Variants in GPC5 observed in about 807,000 individuals in gnomAD.
GPC5 encodes glypican 5, also known as glypican-5.
A neutral mutation model predicts 53.9 loss-of-function variants in GPC5; 47 were observed. The ratio of observed to expected loss-of-function variants is 0.87; its 90% confidence interval spans 0.69 to 1.11. GPC5 has a LOEUF of 1.11. Ranked by LOEUF, GPC5 falls within the 50% of genes most tolerant of loss-of-function variation. The probability of loss-of-function intolerance (pLI) is 0.00; values close to 1 mark genes in which losing one functional copy is unlikely to be tolerated. For synonymous variants in GPC5, 286 were observed against 263.3 expected, an observed-to-expected ratio of 1.09 and a Z score of -0.84; for missense variants, 748 against 713.1, an observed-to-expected ratio of 1.05 and a Z score of -0.56.
At chr13:91,445,455 T>A (rs1389981498) in intron 1 of GPC5, among the ~76,000 whole-genome samples, 1 of 152,100 alleles carries the variant, frequency 6.6e-6, no homozygotes, top group East Asian at 1.9e-4. Flanking sequence ...AGCAAGCAAT[T>A]TAAGCCTTAT....
Position 92,358,760 on chromosome 13 carries a change from C to A in GPC5, c.1561+213771C>A, listed in dbSNP as rs899691681. 8.6e-5 allele frequency among the ~76,000 whole-genome samples: 13 copies of A among 151,768 alleles called. 1 individual carries two copies. The highest frequency in any genetic ancestry group is 2.6e-4 in the Admixed American group (4 of 15,270). ...TTTTTAGCTATGGCTAGAGCTGGAG[C>A]AGCTGGAACACAGGAAGCAATGTCT... On this transcript the variant is annotated intron_variant, in intron 7 of 7. Coordinates refer to ENST00000377067, the MANE Select transcript of GPC5 (RefSeq NM_004466.6).
At chr13:91,754,317 A>T (rs1320075675) in intron 4 of GPC5, among the ~76,000 whole-genome samples, 3 of 152,102 alleles carry the variant, frequency 2.0e-5, no homozygotes, top group Non-Finnish European at 4.4e-5. Context: ...GATTGGAGGG[A>T]TGTAATCTTA....
intron 6 of GPC5, among the ~76,000 whole-genome samples, chr13:91,934,772 G>A (rs188296877): frequency 7.2e-5 from 11 of 151,970 alleles, no homozygotes; most frequent in East Asian, 5.8e-4. Flanking sequence ...CAGAGGCAAC[G>A]GGACCCCAGA....
chr13:92,200,711 C>T (rs564873469), intron 7 of GPC5, among the ~76,000 whole-genome samples: 80 of 152,236 alleles, frequency 5.3e-4, no homozygotes, highest in African/African-American at 1.9e-3. Context: ...CAACTGGATT[C>T]GATTGGATCA....
At chr13:91,844,245 A>G (rs200476305) in intron 5 of GPC5, among the ~76,000 whole-genome samples, 2 of 152,340 alleles carry the variant, frequency 1.3e-5, no homozygotes, top group East Asian at 3.9e-4. Flanking sequence ...GAAATTACAT[A>G]AAGTCGAAGA....
intron 7 of GPC5, chr13:92,180,765 C>A: frequency 5.0e-6 from 1 of 199,998 alleles, no homozygotes; most frequent in South Asian, 8.7e-5. Flanking sequence ...TTCATGACAC[C>A]GTTCACCACT....
At chr13:91,401,783 CTG>C in intron 1 of GPC5, among the ~76,000 whole-genome samples, 1 of 152,300 alleles carries the variant, frequency 6.6e-6, no homozygotes, top group South Asian at 2.1e-4. Context: ...GTGATTTAAA[CTG>C]TTTCTCAGAT....
At chr13:92,115,997 T>A (rs891853129) in intron 6 of GPC5, among the ~76,000 whole-genome samples, 1 of 152,118 alleles carries the variant, frequency 6.6e-6, no homozygotes, top group Non-Finnish European at 1.5e-5. Context: ...ACGCCTGTAA[T>A]CCTAGCACTT....
intron 7 of GPC5, among the ~76,000 whole-genome samples, chr13:92,263,908 A>G (rs958035832): frequency 7.2e-5 from 11 of 152,116 alleles, no homozygotes; most frequent in African/African-American, 2.4e-4. Flanking sequence ...TGCTGCGATA[A>G]TTTCACAGAA....
intron 6 of GPC5, among the ~76,000 whole-genome samples, chr13:91,935,035 T>C (rs1254258463): frequency 1.3e-5 from 2 of 152,012 alleles, no homozygotes; most frequent in African/African-American, 4.8e-5. Flanking sequence ...ATAATTGCTC[T>C]GACTGCAGTA....
chr13:92,307,963 T>G (rs767149824), intron 7 of GPC5, among the ~76,000 whole-genome samples: 1 of 152,202 alleles, frequency 6.6e-6, no homozygotes, highest in Non-Finnish European at 1.5e-5. Context: ...CTACATTTTT[T>G]ATTGTCAGAT....
intron 5 of GPC5, among the ~76,000 whole-genome samples, chr13:91,778,619 C>T (rs1405847714): frequency 2.0e-5 from 3 of 152,198 alleles, no homozygotes; most frequent in Non-Finnish European, 4.4e-5. Context: ...CCTTCCAGAT[C>T]AACTTCAAGC....
intron 7 of GPC5, among the ~76,000 whole-genome samples, chr13:92,383,192 G>A (rs886730213): frequency 2.6e-5 from 4 of 152,074 alleles, no homozygotes; most frequent in African/African-American, 9.7e-5. Context: ...CATTAAAGAG[G>A]CAGGCTTATT....
At chr13:92,676,818 C>A (rs910123957) in intron 7 of GPC5, among the ~76,000 whole-genome samples, 3 of 152,058 alleles carry the variant, frequency 2.0e-5, no homozygotes, top group Non-Finnish European at 4.4e-5. Flanking sequence ...AGTTAGAGAA[C>A]AATTGAGTAG....
intron 6 of GPC5, among the ~76,000 whole-genome samples, chr13:92,133,219 C>A (rs551539987): frequency 6.6e-6 from 1 of 152,028 alleles, no homozygotes; most frequent in African/African-American, 2.4e-5. Context: ...TCTTTGTCTA[C>A]AATTTTGTAG....
chr13:92,126,646 G>T (rs1253989583), intron 6 of GPC5, among the ~76,000 whole-genome samples: 1 of 152,088 alleles, frequency 6.6e-6, no homozygotes, highest in Non-Finnish European at 1.5e-5. Flanking sequence ...TGTGCTACCT[G>T]CAAAGCCAAA....
chr13:92,578,766 GCTAT>G (rs1487904184), intron 7 of GPC5, among the ~76,000 whole-genome samples: 1 of 152,170 alleles, frequency 6.6e-6, no homozygotes, highest in Non-Finnish European at 1.5e-5. Flanking sequence ...TGTTTTGCCA[GCTAT>G]CTGTGTATTC....
intron 5 of GPC5, among the ~76,000 whole-genome samples, chr13:91,792,317 C>T (rs1366792202): frequency 2.0e-5 from 3 of 152,130 alleles, no homozygotes; most frequent in Non-Finnish European, 4.4e-5. Context: ...GGTTTAGTAA[C>T]ATAGGAGGAA....
intron 6 of GPC5, among the ~76,000 whole-genome samples, chr13:92,141,542 CT>C (rs983378843): frequency 1.3e-5 from 2 of 152,140 alleles, no homozygotes; most frequent in Non-Finnish European, 2.9e-5. Flanking sequence ...GAATCAAAAG[CT>C]TTCAAACACA....
Sources: gnomAD v4.1 joint callset for allele counts (sites outside exome capture counted in the v4.1 genomes callset) on GRCh38, gnomAD v4.1.1 for gene constraint, MANE v1.5 for transcripts, NCBI Gene and HGNC (gene_info 2026-07-23, HGNC 2026-07-21) for gene names.